Variants in GNA12 observed in about 807,000 individuals in gnomAD.
GNA12 encodes G protein subunit alpha 12.
In GNA12, 9 loss-of-function variants were observed where a neutral mutation model predicts 26.0. That is an observed-to-expected ratio of 0.35 (90% CI 0.21 to 0.60). The LOEUF is 0.60. GNA12 is among the 20% of genes least tolerant of loss of function. The pLI is 0.78. For synonymous variants in GNA12, 264 were observed against 219.6 expected (o/e 1.20, Z -1.79); for missense variants, 405 against 525.8 (o/e 0.77, Z 2.25).
At chr7:2,805,238 G>A (rs914255384) in intron 1 of GNA12, among the ~76,000 whole-genome samples, 14 of 152,202 alleles carry the variant, frequency 9.2e-5, no homozygotes, top group Non-Finnish European at 1.6e-4. Flanking sequence ...GGGACTAAGC[G>A]CCTGCCATGT....
chr7:2,766,876 T>A (rs1791819318), intron 2 of GNA12, among the ~76,000 whole-genome samples: 2 of 152,310 alleles, frequency 1.3e-5, no homozygotes, highest in African/African-American at 4.8e-5. Flanking sequence ...GGTTCCAGTT[T>A]CTCCATTCCT....
At chr7:2,838,106 G>A (rs926243172) in intron 1 of GNA12, among the ~76,000 whole-genome samples, 6 of 151,564 alleles carry the variant, frequency 4.0e-5, no homozygotes, top group East Asian at 3.9e-4. Context: ...CAAACCTAAG[G>A]CAACTACCAA....
intron 2 of GNA12, among the ~76,000 whole-genome samples, chr7:2,780,636 T>C (rs1332415061): frequency 1.3e-5 from 2 of 152,210 alleles, no homozygotes; most frequent in Admixed American, 6.5e-5. Context: ...TGCTTATGTA[T>C]GAATGTAAAC....
At chr7:2,736,892 C>T (rs185013921) in intron 2 of GNA12, among the ~76,000 whole-genome samples, 8 of 152,330 alleles carry the variant, frequency 5.3e-5, no homozygotes, top group African/African-American at 1.7e-4. Context: ...TTTAGGACCA[C>T]GAGAAAAGAG....
intron 1 of GNA12, among the ~76,000 whole-genome samples, chr7:2,798,761 A>C (rs2115463162): frequency 6.6e-6 from 1 of 152,376 alleles, no homozygotes; most frequent in Admixed American, 6.5e-5. Flanking sequence ...TTATATAGCT[A>C]TGATAATCAA....
chr7:2,748,059 G>T (rs1158824481), intron 2 of GNA12, among the ~76,000 whole-genome samples: 1 of 150,120 alleles, frequency 6.7e-6, no homozygotes, highest in Admixed American at 6.7e-5. Context: ...AGGAAGAATC[G>T]ATATCATGAA....
chr7:2,839,859 CGTG>C (rs1778939607), intron 1 of GNA12, among the ~76,000 whole-genome samples: 1 of 152,050 alleles, frequency 6.6e-6, no homozygotes, highest in African/African-American at 2.4e-5. Flanking sequence ...ATTAGCTGGA[CGTG>C]GTGGTGGGCG....
At chr7:2,750,700 A>C (rs1790990492) in intron 2 of GNA12, among the ~76,000 whole-genome samples, 2 of 152,150 alleles carry the variant, frequency 1.3e-5, no homozygotes, top group Admixed American at 6.5e-5. Flanking sequence ...GACACGGGGG[A>C]CTATTGGACA....
rs1789869867 is a variant in GNA12 at position 2,731,171 on chromosome 7, G to A, written c.*10C>T. 4.4e-6 allele frequency: 7 copies of A among 1,587,488 alleles called. No individual in the cohort carries two copies. The Admixed American group carries it at 6.8e-5, about 15-fold the overall frequency. ...CTGCTCAACGACGACAAACCCCGGG[G>A]CTTCCTCGCTCACTGCAGCATGATG... On this transcript the variant is annotated 3_prime_UTR_variant, in exon 4 of 4. Coordinates refer to ENST00000275364, the MANE Select transcript of GNA12 (RefSeq NM_007353.3). This position sits in a 1 kb window ranked among gnomAD's most constrained non-coding sequence, Gnocchi z 6.0.
intron 2 of GNA12, among the ~76,000 whole-genome samples, chr7:2,745,567 A>G (rs1326409485): frequency 2.6e-5 from 4 of 152,322 alleles, no homozygotes; most frequent in Admixed American, 2.0e-4. Flanking sequence ...GCAATAACAT[A>G]CCAAATTGTA....
intron 1 of GNA12, among the ~76,000 whole-genome samples, chr7:2,842,983 T>G (rs529398581): frequency 6.6e-6 from 1 of 152,302 alleles, no homozygotes; most frequent in East Asian, 1.9e-4. Context: ...TTCTCTACTT[T>G]TGTATACATT....
At chr7:2,735,589 C>A (rs1790129893) in intron 2 of GNA12, among the ~76,000 whole-genome samples, 1 of 152,196 alleles carries the variant, frequency 6.6e-6, no homozygotes, top group African/African-American at 2.4e-5. Flanking sequence ...CCCCTCGAGT[C>A]TGCAATCAGT....
At chr7:2,815,811 C>G (rs1793205498) in intron 1 of GNA12, among the ~76,000 whole-genome samples, 1 of 152,228 alleles carries the variant, frequency 6.6e-6, no homozygotes, top group Non-Finnish European at 1.5e-5. Context: ...CTTAGCACAC[C>G]TGATGACGTC....
chr7:2,809,406 T>A (rs1478161588), intron 1 of GNA12, among the ~76,000 whole-genome samples: 2 of 152,158 alleles, frequency 1.3e-5, no homozygotes, highest in African/African-American at 4.8e-5. Flanking sequence ...TGATAAAAAA[T>A]ACACAAACCA....
intron 3 of GNA12, among the ~76,000 whole-genome samples, chr7:2,733,045 T>C (rs990659325): frequency 2.0e-5 from 3 of 152,206 alleles, no homozygotes; most frequent in Admixed American, 1.3e-4. Context: ...CTTTTTGAGG[T>C]ACACTCTAAA....
chr7:2,844,248 G>T lies in GNA12; in HGVS notation c.-87C>A. ...GAGGGCGAGCCCGGGCCGAGGCACC[G>T]CCCCACGCCCCGCCGCTCGCCTCAG... On this transcript the variant is annotated 5_prime_UTR_variant, in exon 1 of 4. Coordinates refer to ENST00000275364, the MANE Select transcript of GNA12 (RefSeq NM_007353.3). 1.7e-6 allele frequency: 1 copy of T among 597,844 alleles called. No homozygotes were observed. Among genetic ancestry groups the T allele is most frequent in the Non-Finnish European group, 2.1e-6 (1 of 477,732 alleles). The allele number at this position is 597,844 out of a possible 1,614,324, so 37.0% of individuals were successfully genotyped here.
intron 2 of GNA12, among the ~76,000 whole-genome samples, chr7:2,786,242 T>TG (rs1201030810): frequency 6.6e-6 from 1 of 152,120 alleles, no homozygotes; most frequent in Non-Finnish European, 1.5e-5. Flanking sequence ...ATGTCATCAT[T>TG]GGGGGGAGAC....
At chr7:2,814,070 C>T (rs1793154824) in intron 1 of GNA12, among the ~76,000 whole-genome samples, 1 of 152,188 alleles carries the variant, frequency 6.6e-6, no homozygotes. Flanking sequence ...CCACCATCGG[C>T]TGCCCAGGTT....
At chr7:2,805,572 A>G (rs374273122) in intron 1 of GNA12, among the ~76,000 whole-genome samples, 98 of 152,342 alleles carry the variant, frequency 6.4e-4, no homozygotes, top group African/African-American at 2.2e-3. Context: ...GCAGAGGAAC[A>G]GGCAGGAGGC....
Sources: allele counts gnomAD v4.1 joint callset (sites outside exome capture counted in the v4.1 genomes callset), GRCh38; gene constraint gnomAD v4.1.1; non-coding constraint Gnocchi (gnomAD v3.1); transcripts MANE v1.5; gene names NCBI Gene and HGNC (gene_info 2026-07-23, HGNC 2026-07-21).